Variants in CRHR1 observed in about 807,000 individuals in gnomAD.
The protein encoded by CRHR1 is corticotropin-releasing hormone receptor 1.
CRHR1 carries 28 observed loss-of-function variants against 56.0 expected under a neutral mutation model. The ratio of observed to expected loss-of-function variants is 0.50; its 90% CI spans 0.37 to 0.69. CRHR1 has a LOEUF of 0.69. Among genes scored for constraint, CRHR1 ranks in the 30% least tolerant of loss-of-function variants. The pLI is 0.00. For synonymous variants in CRHR1, 195 were observed against 216.5 expected (o/e 0.90, Z 0.87); for missense variants, 376 against 548.0 (o/e 0.69, Z 3.13).
At chr17:45,820,210 A>G (rs1175524533) in intron 3 of CRHR1, among the ~76,000 whole-genome samples, 1 of 152,174 alleles carries the variant, frequency 6.6e-6, no homozygotes, top group Non-Finnish European at 1.5e-5. Context: ...TCAGGGCTTC[A>G]TTTCTCTGCC....
At position 45,830,583 on chromosome 17, in the gene CRHR1, G is replaced by A. The variant is rs1221491131; in HGVS notation, c.709+13G>A. ...TGCATTGGCTGGGGTGAGCTGGGCA[G>A]CCACCTCCGCAGCCTGGGCAGTGGC... On this transcript the variant is annotated intron_variant, in intron 7 of 12. Coordinates refer to ENST00000314537, the MANE Select transcript of CRHR1 (RefSeq NM_004382.5). The A allele has an allele frequency of 2.5e-6, 4 of 1,595,930 alleles. No homozygotes were observed. Among genetic ancestry groups the A allele is most frequent in the Non-Finnish European group, 2.6e-6 (3 of 1,169,800 alleles).
rs558839900 is a variant in CRHR1, at chr17:45,830,866, C to T, written c.710-14C>T. 1.9e-6 allele frequency: 3 copies of T among 1,613,312 alleles called. No individual in the cohort carries two copies. The highest frequency in any genetic ancestry group is 2.5e-6 in the Non-Finnish European group (3 of 1,179,644). Reference sequence around the variant, plus strand: ...CCCCGCTGAGGGCTCTGTGACAGCCCATCTCTCCCCCAGGTGTGCCCTTCC... The same window carrying T: ...CCCCGCTGAGGGCTCTGTGACAGCCTATCTCTCCCCCAGGTGTGCCCTTCC... On this transcript the variant is annotated splice_polypyrimidine_tract_variant and intron_variant, in intron 7 of 12. Coordinates refer to ENST00000314537, the MANE Select transcript of CRHR1 (RefSeq NM_004382.5).
Position 45,834,827 on chromosome 17 carries a change from T to C in CRHR1, c.*63T>C, listed in dbSNP as rs1455179699. On this transcript the variant is annotated 3_prime_UTR_variant, in exon 13 of 13. Coordinates refer to ENST00000314537, the MANE Select transcript of CRHR1 (RefSeq NM_004382.5). The stretch of plus-strand genomic sequence containing the variant: ...CTGGGGGGATGACGGCCAGGCTCCC[T>C]GACCACCCTGCCTGTGGAGGTGACC... 1 of 1,603,706 alleles carries C rather than the reference T, an allele frequency of 6.2e-7. No homozygotes were observed. The highest frequency in any genetic ancestry group is 1.3e-5 in the African/African-American group (1 of 74,948).
Position 45,784,622 on chromosome 17 carries a change from C to G in CRHR1, c.33+45C>G. The G allele has an allele frequency of 1.3e-6, 2 of 1,528,076 alleles. No individual in the cohort carries two copies. Among genetic ancestry groups the G allele is most frequent in the Non-Finnish European group, 1.8e-6 (2 of 1,136,386 alleles). 94.7% of individuals were successfully genotyped at this position (1,528,076 alleles called of 1,614,324 possible). A position where few individuals can be genotyped will look rare whatever the true frequency, so the allele number is the denominator to read the frequency against. On this transcript the variant is annotated intron_variant, in intron 1 of 12. Transcript: ENST00000314537. This position sits in a 1 kb window ranked among gnomAD's most constrained non-coding sequence, Gnocchi z 4.2. ...CCCTCGAGCGCTGGCGCCCCCGGCCCCTGGCGGACGCGGGACGGGGCTGGG... is the reference window on the plus strand; with the variant it reads ...CCCTCGAGCGCTGGCGCCCCCGGCCGCTGGCGGACGCGGGACGGGGCTGGG...
intron 4 of CRHR1, 46 bp from the exon 5 acceptor site, chr17:45,829,169 T>G (rs1032852363): frequency 6.1e-6 from 9 of 1,476,422 alleles, no homozygotes; most frequent in Non-Finnish European, 8.5e-6. Flanking sequence ...ACAGAGCAGC[T>G]CCCATCCAGC....
intron 3 of CRHR1, among the ~76,000 whole-genome samples, chr17:45,819,881 G>A (rs1169324622): frequency 1.3e-5 from 2 of 152,226 alleles, no homozygotes; most frequent in African/African-American, 4.8e-5. Flanking sequence ...CTGGAGGCCA[G>A]GACGGGCTCC....
intron 2 of CRHR1, among the ~76,000 whole-genome samples, chr17:45,808,355 G>A (rs2146311840): frequency 6.6e-6 from 1 of 152,300 alleles, no homozygotes; most frequent in East Asian, 1.9e-4. Flanking sequence ...GAGAGCCTGG[G>A]GGCAGAGGAA....
intron 4 of CRHR1, among the ~76,000 whole-genome samples, chr17:45,824,086 G>C (rs576189861): frequency 6.6e-6 from 1 of 152,232 alleles, no homozygotes; most frequent in Non-Finnish European, 1.5e-5. Context: ...CTCCTGGACT[G>C]GGGGAAGGAG....
chr17:45,804,546 G>A (rs1427502429), intron 1 of CRHR1, among the ~76,000 whole-genome samples: 1 of 152,094 alleles, frequency 6.6e-6, no homozygotes, highest in East Asian at 1.9e-4. Flanking sequence ...GGTGGCCCTG[G>A]TGGGGTGGGG....
At chr17:45,800,748 C>G (rs896233868) in intron 1 of CRHR1, 1 of 152,236 alleles carries the variant, frequency 6.6e-6, no homozygotes, top group Non-Finnish European at 1.5e-5. Flanking sequence ...TCCCTGACCC[C>G]TGGGGGCTCT....
chr17:45,821,492 C>T, intron 4 of CRHR1, 52 bp downstream of exon 4: 1 of 1,548,610 alleles, frequency 6.5e-7, no homozygotes, highest in South Asian at 1.1e-5. Context: ...CCAGGGTCCC[C>T]AGCAGAGTTT....
intron 4 of CRHR1, among the ~76,000 whole-genome samples, chr17:45,821,984 C>T (rs185095161): frequency 3.8e-4 from 58 of 152,314 alleles, no homozygotes; most frequent in African/African-American, 9.1e-4. Context: ...CCTCCCACCC[C>T]GTCCCCAGCC....
intron 1 of CRHR1, among the ~76,000 whole-genome samples, chr17:45,786,149 C>T (rs192881277): frequency 3.1e-4 from 44 of 143,650 alleles, no homozygotes; most frequent in African/African-American, 1.1e-3. Flanking sequence ...TTCAGGTTTA[C>T]GCGGAAATAG....
chr17:45,807,138 C>A, intron 2 of CRHR1, 41 bp downstream of exon 2: 1 of 1,561,078 alleles, frequency 6.4e-7, no homozygotes, highest in Non-Finnish European at 8.8e-7. Flanking sequence ...TCCTGGTCAC[C>A]ACAATGCCCC....
rs757444862 is a variant in CRHR1 at position 45,834,655 on chromosome 17, G to A, written c.1139G>A (p.Arg380Gln). The A allele has an allele frequency of 1.2e-5, 19 of 1,613,098 alleles. No homozygotes were observed. The highest frequency in any genetic ancestry group is 1.6e-4 in the Middle Eastern group (1 of 6,078). The change falls in exon 13 of 13, where the codon CGG becomes CAG. Residue 380 changes from arginine to glutamine, a missense_variant. Physicochemically the swap from Arg to Gln is conservative, Grantham distance 43. Transcript: ENST00000314537. ...VRSAIRKRWH[R>Q]WQDKHSIRAR... The stretch of plus-strand genomic sequence containing the variant: ...TCTGCCATCCGGAAGAGGTGGCACC[G>A]GTGGCAGGACAAGCACTCGATCCGT...
chr17:45,788,806 C>G (rs1191795215), intron 1 of CRHR1, among the ~76,000 whole-genome samples: 1 of 152,198 alleles, frequency 6.6e-6, no homozygotes, highest in Non-Finnish European at 1.5e-5. Context: ...AGGTGTTTAA[C>G]AAATGTTTGT....
intron 4 of CRHR1, among the ~76,000 whole-genome samples, chr17:45,828,749 G>A (rs1026193689): frequency 1.3e-5 from 2 of 152,246 alleles, no homozygotes; most frequent in Non-Finnish European, 2.9e-5. Flanking sequence ...CATTGCAGCA[G>A]GAGGGATTTA....
At chr17:45,817,624 T>G (rs739645) in intron 3 of CRHR1, among the ~76,000 whole-genome samples, 21,794 of 151,814 alleles carry the variant, frequency 0.14, 2,121 homozygotes, top group Non-Finnish European at 0.22. Context: ...GGATTTGGGG[T>G]GTTAAGGTTG....
chr17:45,829,110 C>A, intron 4 of CRHR1, 105 bp from the exon 5 acceptor site: 1 of 836,804 alleles, frequency 1.2e-6, no homozygotes, highest in South Asian at 1.6e-5. Flanking sequence ...GGGAGTGGCC[C>A]TTGAGATCAT....
Sources: allele counts gnomAD v4.1 joint callset (sites outside exome capture counted in the v4.1 genomes callset), GRCh38; gene constraint gnomAD v4.1.1; non-coding constraint Gnocchi (gnomAD v3.1); transcripts MANE v1.5; gene names NCBI Gene and HGNC (gene_info 2026-07-23, HGNC 2026-07-21).